Variants in ADAMTSL3 observed in about 807,000 individuals in gnomAD.
The protein encoded by ADAMTSL3 is ADAMTS-like protein 3.
Under a neutral mutation model 201.7 loss-of-function variants are expected in ADAMTSL3, and 128 were observed. That is an observed-to-expected ratio of 0.63 (90% CI 0.55 to 0.73). ADAMTSL3 has a LOEUF of 0.73. Among genes scored for constraint, ADAMTSL3 ranks in the 30% least tolerant of loss-of-function variants. The probability of loss-of-function intolerance (pLI) is 0.00; values close to 1 mark genes in which losing one functional copy is unlikely to be tolerated. For synonymous variants in ADAMTSL3, 738 were observed against 748.4 expected, an observed-to-expected ratio of 0.99 and a Z score of 0.23; for missense variants, 1,990 against 2,119.6, an observed-to-expected ratio of 0.94 and a Z score of 1.20.
At chr15:83,796,444 A>G (rs2063427937) in intron 4 of ADAMTSL3, among the ~76,000 whole-genome samples, 1 of 152,236 alleles carries the variant, frequency 6.6e-6, no homozygotes, top group South Asian at 2.1e-4. Context: ...GGTATGTTGT[A>G]ATAAGTTCAA....
intron 2 of ADAMTSL3, among the ~76,000 whole-genome samples, chr15:83,675,590 T>TC (rs927955024): frequency 3.3e-5 from 5 of 151,122 alleles, no homozygotes; most frequent in African/African-American, 1.2e-4. Flanking sequence ...TGTTTTCTTT[T>TC]TTTTTTTTTT....
intron 3 of ADAMTSL3, among the ~76,000 whole-genome samples, chr15:83,714,152 G>C (rs571034659): frequency 6.6e-6 from 1 of 152,198 alleles, no homozygotes; most frequent in Non-Finnish European, 1.5e-5. Context: ...GTGGCCAACT[G>C]TCCTGGCTTT....
intron 9 of ADAMTSL3, among the ~76,000 whole-genome samples, chr15:83,884,476 T>C (rs2065349049): frequency 6.6e-6 from 1 of 151,710 alleles, no homozygotes; most frequent in Admixed American, 6.6e-5. Flanking sequence ...GGTTTCACCA[T>C]GTTGGCAAGG....
chr15:84,024,334 G>C (rs1159292466), intron 26 of ADAMTSL3, among the ~76,000 whole-genome samples: 3 of 152,074 alleles, frequency 2.0e-5, no homozygotes, highest in African/African-American at 7.2e-5. Context: ...ATATAGTTGT[G>C]CTTTAATTTT....
intron 3 of ADAMTSL3, among the ~76,000 whole-genome samples, chr15:83,733,572 G>A (rs2062318177): frequency 6.6e-6 from 1 of 152,108 alleles, no homozygotes; most frequent in African/African-American, 2.4e-5. Flanking sequence ...GAAAGTTTGT[G>A]GGTCTAGAGG....
intron 3 of ADAMTSL3, among the ~76,000 whole-genome samples, chr15:83,751,013 C>T (rs1201476858): frequency 6.6e-6 from 1 of 152,130 alleles, no homozygotes; most frequent in Non-Finnish European, 1.5e-5. Context: ...ATGTCAGGTA[C>T]AATGCTAATT....
intron 19 of ADAMTSL3, among the ~76,000 whole-genome samples, chr15:83,944,282 C>G (rs991376697): frequency 3.9e-5 from 6 of 152,176 alleles, no homozygotes; most frequent in African/African-American, 1.4e-4. Context: ...TCTTCCAGCC[C>G]TTTGCTCCAG....
chr15:84,036,984 G>A lies in ADAMTSL3; in HGVS notation c.4966G>A (p.Asp1656Asn). Residue 1656 changes from aspartate (D) to asparagine (N), a missense_variant, in exon 29 of 30, where the codon GAT becomes AAT. By Grantham distance (23) the Asp-to-Asn change is conservative. Transcript: ENST00000286744. ...GCGGCACTGTCTTGGGCCCTCCTGT[G>A]ATAGTACGTACACCTCCCAGGTATC... ...SWRHCLGPSC[D>N]RDCTDTTHYC... 4.3e-6 allele frequency: 7 copies of A among 1,613,922 alleles called. No individual in the cohort carries two copies. The highest frequency in any genetic ancestry group is 5.9e-6 in the Non-Finnish European group (7 of 1,179,934).
chr15:83,907,452 G>A (rs540482672), intron 15 of ADAMTSL3, among the ~76,000 whole-genome samples: 2 of 152,192 alleles, frequency 1.3e-5, no homozygotes, highest in Non-Finnish European at 2.9e-5. Flanking sequence ...CACCCAGGCT[G>A]GAGTGCAGTG....
chr15:84,031,980 G>A (rs1161586011), intron 28 of ADAMTSL3, among the ~76,000 whole-genome samples: 1 of 152,088 alleles, frequency 6.6e-6, no homozygotes, highest in African/African-American at 2.4e-5. Flanking sequence ...TTTTCATGGG[G>A]TCATCCAGAG....
chr15:83,903,917 C>CAAAAAAAAAAAAAAAAAAAAAAAAAAA (rs1168502648), intron 15 of ADAMTSL3, among the ~76,000 whole-genome samples: 7 of 19,274 alleles, frequency 3.6e-4, no homozygotes, highest in Non-Finnish European at 5.1e-4. Context: ...GACTCCACAT[C>CAAAAAAAAAAAAAAAAAAAAAAAAAAA]AAAAAAAAAA....
intron 8 of ADAMTSL3, among the ~76,000 whole-genome samples, chr15:83,869,568 T>G (rs2065042923): frequency 6.6e-6 from 1 of 152,204 alleles, no homozygotes; most frequent in Non-Finnish European, 1.5e-5. Context: ...TTATGCAGTC[T>G]GTCCAGGGCA....
chr15:83,897,885 C>A lies in ADAMTSL3; in HGVS notation c.1495C>A (p.Arg499=), dbSNP rs267604348. ...QCTVTCGRGL[R]YRVVLCINHR... ...CACAGTGACTTGTGGCCGAGGGTTA[C>A]GGTACCGGGTTGTTCTGTGTATTAA... is the stretch of plus-strand genomic sequence containing the variant. The change falls in exon 14 of 30, where the codon CGG becomes AGG. Residue 499 remains arginine (R), a synonymous_variant. Transcript: ENST00000286744. The A allele has an allele frequency of 6.2e-7, 1 of 1,607,826 alleles. No individual in the cohort carries two copies. The highest frequency in any genetic ancestry group is 8.5e-7 in the Non-Finnish European group (1 of 1,176,312).
At position 83,655,973 on chromosome 15, in the gene ADAMTSL3, A is replaced by G. The variant is rs1020337910; in HGVS notation, c.69+143A>G. On this transcript the variant is annotated intron_variant, in intron 2 of 29. Coordinates refer to ENST00000286744, the MANE Select transcript of ADAMTSL3 (RefSeq NM_207517.3). ...AGACTTTCTTTCCTATCTCTAGCCA[A>G]TGGTATTTCTGGTTGGCTTAGCTGT... The G allele has an allele frequency of 4.0e-5, 36 of 903,894 alleles. 1 individual carries two copies. Among genetic ancestry groups the G allele is most frequent in the Middle Eastern group, 3.0e-4 (1 of 3,344 alleles). The allele number at this position is 903,894 out of a possible 1,614,324, so 56.0% of individuals were successfully genotyped here. A position where few individuals can be genotyped will look rare whatever the true frequency, so the allele number is the denominator to read the frequency against.
At chr15:83,989,947 A>G (rs1369691946) in intron 22 of ADAMTSL3, among the ~76,000 whole-genome samples, 1 of 152,186 alleles carries the variant, frequency 6.6e-6, no homozygotes, top group East Asian at 1.9e-4. Flanking sequence ...GAAGTCAGAC[A>G]TTTTCTCTCT....
chr15:83,713,212 G>A (rs576907706), intron 3 of ADAMTSL3, among the ~76,000 whole-genome samples: 105 of 152,264 alleles, frequency 6.9e-4, no homozygotes, highest in African/African-American at 2.4e-3. Context: ...AAAGAAGATC[G>A]ATCAGCCATG....
chr15:83,971,638 C>T (rs2067199098), intron 20 of ADAMTSL3, among the ~76,000 whole-genome samples: 1 of 150,528 alleles, frequency 6.6e-6, no homozygotes, highest in Admixed American at 6.6e-5. Context: ...CCATGACAGC[C>T]ATGACAGCAA....
chr15:83,726,036 CTT>C (rs2062169765), intron 3 of ADAMTSL3, among the ~76,000 whole-genome samples: 2 of 151,994 alleles, frequency 1.3e-5, no homozygotes, highest in Non-Finnish European at 2.9e-5. Flanking sequence ...TATGGAATAT[CTT>C]TTCCTTTTTT....
At chr15:83,699,997 T>C (rs1018714235) in intron 2 of ADAMTSL3, among the ~76,000 whole-genome samples, 5 of 152,250 alleles carry the variant, frequency 3.3e-5, no homozygotes, top group Non-Finnish European at 5.9e-5. Flanking sequence ...ACTATGTATC[T>C]CCACCTCTAG....
Sources: gnomAD v4.1 joint callset for allele counts (sites outside exome capture counted in the v4.1 genomes callset) on GRCh38, gnomAD v4.1.1 for gene constraint, MANE v1.5 for transcripts, NCBI Gene and HGNC (gene_info 2026-07-23, HGNC 2026-07-21) for gene names.